Variants in SPSB1 observed in about 807,000 individuals in gnomAD.
The protein encoded by SPSB1 is splA/ryanodine receptor domain and SOCS box containing 1.
SPSB1 carries 8 observed loss-of-function variants against 21.2 expected under a neutral mutation model. The ratio of observed to expected loss-of-function variants is 0.38; its 90% confidence interval spans 0.22 to 0.68. The LOEUF (loss-of-function observed/expected upper bound fraction) is 0.68. Among genes scored for constraint, SPSB1 ranks in the 30% least tolerant of loss-of-function variants. The pLI is 0.53. For missense variants in SPSB1, 242 were observed against 377.8 expected (o/e 0.64, Z 2.98); for synonymous variants, 169 against 161.7 (o/e 1.05, Z -0.34).
At position 9,345,428 on chromosome 1, in the gene SPSB1, G is replaced by A. The variant is rs2100505310; in HGVS notation, c.-149-10315G>A. Reference sequence around the variant, plus strand: ...CCCGCCGAGGCTAGGCAGTGTCGGTGGTCCATAGTCCACGTTTTATTCCTC... The same window carrying A: ...CCCGCCGAGGCTAGGCAGTGTCGGTAGTCCATAGTCCACGTTTTATTCCTC... On this transcript the variant is annotated intron_variant, in intron 1 of 2. Coordinates refer to ENST00000328089, the MANE Select transcript of SPSB1 (RefSeq NM_025106.4). This position sits in a 1 kb window ranked among gnomAD's most constrained non-coding sequence, Gnocchi z 4.8. Among the ~76,000 whole-genome samples, 1 of 152,294 alleles carries A rather than the reference G, an allele frequency of 6.6e-6. No homozygotes were observed. The highest frequency in any genetic ancestry group is 1.9e-4 in the East Asian group (1 of 5,184).
chr1:9,335,857 G>A (rs1282993644), intron 1 of SPSB1, among the ~76,000 whole-genome samples: 1 of 148,706 alleles, frequency 6.7e-6, no homozygotes, highest in Non-Finnish European at 1.5e-5. Context: ...CTTGATCAGT[G>A]GCTGGACGAT....
In SPSB1 at chr1:9,306,916, T is replaced by TTTC. The variant is rs775954617; in HGVS notation, c.-150+13851_-150+13853dup. 2.7e-5 allele frequency among the ~76,000 whole-genome samples: 2 copies of TTTC among 74,892 alleles called. 1 individual carries two copies. The allele number at this position is 74,892 out of a possible 152,430, so 49.1% of individuals were successfully genotyped here. On this transcript the variant is annotated intron_variant, in intron 1 of 2. Transcript: ENST00000328089. Reference sequence around the variant, plus strand: ...ATTAGGGTGTCTTTTTTCTTTTACTTTTCTTCTTTTCTTCTTTTTTTTTTT... The same window carrying TTTC: ...ATTAGGGTGTCTTTTTTCTTTTACTTTTCTTCTTCTTTTCTTCTTTTTTTTTTT...
chr1:9,342,686 G>T (rs1640109136), intron 1 of SPSB1, among the ~76,000 whole-genome samples: 1 of 152,206 alleles, frequency 6.6e-6, no homozygotes, highest in Non-Finnish European at 1.5e-5. Flanking sequence ...TTGGGCCCAG[G>T]GGTCTGGGGC....
At chr1:9,347,682 T>G (rs1039419197) in intron 1 of SPSB1, among the ~76,000 whole-genome samples, 2 of 152,196 alleles carry the variant, frequency 1.3e-5, no homozygotes, top group African/African-American at 4.8e-5. Flanking sequence ...TGGAGCTCCG[T>G]GGTGTAGATG....
At chr1:9,297,255 C>T (rs143513449) in intron 1 of SPSB1, among the ~76,000 whole-genome samples, 1 of 152,284 alleles carries the variant, frequency 6.6e-6, no homozygotes, top group Non-Finnish European at 1.5e-5. Context: ...TCTTGGAAAA[C>T]TAGGGAGGCA....
At chr1:9,331,328 T>G (rs1462386405) in intron 1 of SPSB1, among the ~76,000 whole-genome samples, 5 of 138,942 alleles carry the variant, frequency 3.6e-5, no homozygotes, top group African/African-American at 1.1e-4. Flanking sequence ...CTTGTTTTTT[T>G]TTTTTTTTTT....
chr1:9,307,060 T>A (rs1315009309), intron 1 of SPSB1, among the ~76,000 whole-genome samples: 2 of 152,010 alleles, frequency 1.3e-5, no homozygotes, highest in Non-Finnish European at 2.9e-5. Flanking sequence ...CCTGGGTAGC[T>A]GGGATTACAG....
chr1:9,311,078 C>T (rs1639528835), intron 1 of SPSB1, among the ~76,000 whole-genome samples: 1 of 152,060 alleles, frequency 6.6e-6, no homozygotes, highest in Non-Finnish European at 1.5e-5. Context: ...CTTCTCCCGC[C>T]TCTAGCCTCC....
chr1:9,303,860 G>T (rs982878088), intron 1 of SPSB1, among the ~76,000 whole-genome samples: 2 of 152,218 alleles, frequency 1.3e-5, no homozygotes, highest in Admixed American at 6.5e-5. Context: ...GGAATACCTG[G>T]ATAGATGGTA....
intron 1 of SPSB1, among the ~76,000 whole-genome samples, chr1:9,296,627 C>G (rs1424388004): frequency 1.3e-5 from 2 of 152,176 alleles, no homozygotes; most frequent in African/African-American, 2.4e-5. Flanking sequence ...TATATGCACA[C>G]ATACACACAC....
Position 9,345,820 on chromosome 1 carries a change from C to T in SPSB1, c.-149-9923C>T, listed in dbSNP as rs570151934. Reference sequence around the variant, plus strand: ...CAGAACTTTCCAGAAGGATCCTGTTCTTTTTTGTTGATTCTAGGGGCACAG... The same window carrying T: ...CAGAACTTTCCAGAAGGATCCTGTTTTTTTTTGTTGATTCTAGGGGCACAG... On this transcript the variant is annotated intron_variant, in intron 1 of 2. Coordinates refer to ENST00000328089, the MANE Select transcript of SPSB1 (RefSeq NM_025106.4). The surrounding 1 kb of genome is among the most constrained non-coding windows in gnomAD (Gnocchi z 4.8). Among the ~76,000 whole-genome samples the T allele has an allele frequency of 6.6e-6, 1 of 152,180 alleles. No homozygotes were observed. Among genetic ancestry groups the T allele is most frequent in the Non-Finnish European group, 1.5e-5 (1 of 68,032 alleles).
intron 1 of SPSB1, among the ~76,000 whole-genome samples, chr1:9,309,554 G>T (rs1285117821): frequency 6.6e-6 from 1 of 152,080 alleles, no homozygotes; most frequent in Non-Finnish European, 1.5e-5. Context: ...TTAAAACGTG[G>T]TAATCAGGCC....
rs375700527 is a variant in SPSB1 at position 9,314,181 on chromosome 1, A to C, written c.-150+21110A>C. ...ACAGATTGAGACTCTATCTCAAAAA[A>C]AAAAAACAAAAAACAAAAAAAACAG... On this transcript the variant is annotated intron_variant, in intron 1 of 2. Coordinates refer to ENST00000328089, the MANE Select transcript of SPSB1 (RefSeq NM_025106.4). Among the ~76,000 whole-genome samples, 448 of 151,448 alleles carry C rather than the reference A, an allele frequency of 3.0e-3. 4 individuals carry two copies. In the Middle Eastern group the frequency reaches 0.034, roughly 11 times the overall value.
chr1:9,331,321 G>GCT (rs1486326427), intron 1 of SPSB1, among the ~76,000 whole-genome samples: 2 of 53,704 alleles, frequency 3.7e-5, no homozygotes, highest in African/African-American at 1.6e-4. Flanking sequence ...TGGTGCTCTT[G>GCT]TTTTTTTTTT....
At chr1:9,331,995 G>T (rs1258130194) in intron 1 of SPSB1, among the ~76,000 whole-genome samples, 1 of 152,150 alleles carries the variant, frequency 6.6e-6, no homozygotes, top group African/African-American at 2.4e-5. Flanking sequence ...ACTGTTGACA[G>T]TTTGAGTGTT....
At chr1:9,340,154 TC>T (rs780593727) in intron 1 of SPSB1, among the ~76,000 whole-genome samples, 6 of 152,202 alleles carry the variant, frequency 3.9e-5, no homozygotes, top group Non-Finnish European at 7.4e-5. Context: ...GGTGACCAGT[TC>T]CCTCGCCCCT....
At chr1:9,311,168 T>G (rs940643020) in intron 1 of SPSB1, among the ~76,000 whole-genome samples, 8 of 151,492 alleles carry the variant, frequency 5.3e-5, no homozygotes, top group Admixed American at 1.3e-4. Flanking sequence ...GGGTTTTTTT[T>G]TTTTTTTTTT....
rs1639144290 is a variant in SPSB1, at chr1:9,292,971, CGCG to C, written c.-248_-246del. ...CAGGCGCCGGCGCCGGGGCCGGGGC[CGCG>C]GGGAGGAGGCGACTTCGCTCCCTGC... On this transcript the variant is annotated 5_prime_UTR_variant, in exon 1 of 3. Coordinates refer to ENST00000328089, the MANE Select transcript of SPSB1 (RefSeq NM_025106.4). The C allele has an allele frequency of 1.1e-6, 1 of 911,900 alleles. No individual in the cohort carries two copies. The highest frequency in any genetic ancestry group is 5.1e-5 in the South Asian group (1 of 19,704). 56.5% of individuals were successfully genotyped at this position (911,900 alleles called of 1,614,324 possible). A position where few individuals can be genotyped will look rare whatever the true frequency, so the allele number is the denominator to read the frequency against.
chr1:9,308,287 C>T (rs1193699462), intron 1 of SPSB1, among the ~76,000 whole-genome samples: 3 of 152,200 alleles, frequency 2.0e-5, no homozygotes, highest in African/African-American at 7.2e-5. Context: ...GGGCCATTTG[C>T]CCTGGGCCCA....
Sources: gnomAD v4.1 joint callset for allele counts (sites outside exome capture counted in the v4.1 genomes callset) on GRCh38, gnomAD v4.1.1 for gene constraint, Gnocchi (gnomAD v3.1) non-coding constraint, MANE v1.5 for transcripts, NCBI Gene and HGNC (gene_info 2026-07-23, HGNC 2026-07-21) for gene names.